Variants in RELN observed in about 807,000 individuals in gnomAD.
The protein encoded by RELN is reelin.
A neutral mutation model predicts 427.6 loss-of-function variants in RELN; 108 were observed. That is an observed-to-expected ratio of 0.25 (90% CI 0.22 to 0.30). The LOEUF (loss-of-function observed/expected upper bound fraction) is 0.30. RELN is among the 10% of genes least tolerant of loss of function. The pLI is 1.00. For missense variants in RELN, 3,715 were observed against 4,302.8 expected (o/e 0.86, Z 3.82); for synonymous variants, 1,524 against 1,513.4 (o/e 1.01, Z -0.16).
intron 11 of RELN, among the ~76,000 whole-genome samples, chr7:103,678,100 T>C (rs1833577617): frequency 1.3e-5 from 2 of 152,234 alleles, no homozygotes; most frequent in Admixed American, 1.3e-4. Context: ...TTAATATTCA[T>C]TACATTTGTG....
At chr7:103,593,642 C>G in intron 27 of RELN, 40 bp downstream of exon 27, 1 of 1,526,344 alleles carries the variant, frequency 6.6e-7, no homozygotes, top group Non-Finnish European at 9.1e-7. Context: ...AGATATTTTA[C>G]TCCTTAACTT....
At chr7:103,965,942 C>A (rs144413497) in intron 1 of RELN, among the ~76,000 whole-genome samples, 1 of 152,056 alleles carries the variant, frequency 6.6e-6, no homozygotes, top group South Asian at 2.1e-4. Context: ...ATGTTTACCA[C>A]GTCAAAATCT....
intron 56 of RELN, 43 bp from the exon 57 acceptor site, chr7:103,495,941 G>C: frequency 1.2e-6 from 2 of 1,600,524 alleles, no homozygotes; most frequent in Non-Finnish European, 1.7e-6. Context: ...TTATTCTCTT[G>C]AGGAAAATTG....
At chr7:103,653,610 C>T (rs1832967434) in intron 13 of RELN, among the ~76,000 whole-genome samples, 1 of 151,952 alleles carries the variant, frequency 6.6e-6, no homozygotes, top group Admixed American at 6.6e-5. Context: ...TTGCAAATAA[C>T]CAGAGCTAAC....
At chr7:103,743,484 C>T (rs1217393490) in intron 6 of RELN, among the ~76,000 whole-genome samples, 1 of 152,148 alleles carries the variant, frequency 6.6e-6, no homozygotes. Flanking sequence ...GATAAAGACT[C>T]AAGACCCATC....
chr7:103,808,922 C>T (rs1374155144), intron 3 of RELN, among the ~76,000 whole-genome samples: 5 of 152,114 alleles, frequency 3.3e-5, no homozygotes, highest in Admixed American at 2.6e-4. Flanking sequence ...TCCTCAAAAA[C>T]ATGAGTTTGC....
At chr7:103,536,119 A>G (rs1033648506) in intron 45 of RELN, among the ~76,000 whole-genome samples, 1 of 152,154 alleles carries the variant, frequency 6.6e-6, no homozygotes, top group Non-Finnish European at 1.5e-5. Context: ...TAGAAATTGT[A>G]AACTCTCTTC....
intron 4 of RELN, among the ~76,000 whole-genome samples, chr7:103,753,906 A>G (rs569766467): frequency 6.6e-6 from 1 of 152,346 alleles, no homozygotes; most frequent in South Asian, 2.1e-4. Flanking sequence ...ATACTTGGAC[A>G]TAGTTTTGAA....
At position 103,945,354 on chromosome 7, in the gene RELN, C is replaced by T. The variant is rs148819425; in HGVS notation, c.227-28169G>A. On this transcript the variant is annotated intron_variant, in intron 1 of 64. Coordinates refer to ENST00000428762, the MANE Select transcript of RELN (RefSeq NM_005045.4). Reference sequence around the variant, plus strand: ...TATTACAGAGATTACACTCCTGATTCTCTAGGCCTCTCAGACACTTTCCAA... The same window carrying T: ...TATTACAGAGATTACACTCCTGATTTTCTAGGCCTCTCAGACACTTTCCAA... Among the ~76,000 whole-genome samples, 1,048 of 152,288 alleles carry T rather than the reference C, an allele frequency of 6.9e-3. 12 individuals are homozygous for T. The highest frequency in any genetic ancestry group is 0.024 in the African/African-American group (982 of 41,554).
At chr7:103,567,962 A>T (rs367583165) in intron 31 of RELN, among the ~76,000 whole-genome samples, 1 of 151,766 alleles carries the variant, frequency 6.6e-6, no homozygotes, top group African/African-American at 2.4e-5. Flanking sequence ...TCGCTCGGCT[A>T]ATTTTTGTAC....
chr7:103,522,175 C>A lies in RELN; in HGVS notation c.7515G>T (p.Leu2505=). The A allele has an allele frequency of 6.2e-7, 1 of 1,614,020 alleles. No homozygotes were observed. The highest frequency in any genetic ancestry group is 1.1e-5 in the South Asian group (1 of 91,054). The change falls in exon 48 of 65, where the codon CTG becomes CTT. Residue 2505 remains leucine (L), a synonymous_variant. Coordinates refer to ENST00000428762, the MANE Select transcript of RELN (RefSeq NM_005045.4). The part of the protein sequence containing the change: ...NCVCDEQWGG[L]YCDDPETSLP... ...GAGAGGTCTCGGGGTCATCACAGTA[C>A]AGGCCACCCCACTGTTCATCACAGC...
At chr7:103,910,535 G>A (rs557163728) in intron 2 of RELN, among the ~76,000 whole-genome samples, 40 of 150,248 alleles carry the variant, frequency 2.7e-4, no homozygotes, top group Admixed American at 1.0e-3. Flanking sequence ...AAAAGAGCCC[G>A]CATCGCCAAG....
chr7:103,571,454 G>A (rs1830879986), intron 31 of RELN, among the ~76,000 whole-genome samples: 2 of 152,202 alleles, frequency 1.3e-5, no homozygotes, highest in Admixed American at 6.5e-5. Context: ...GGAGGGTGGA[G>A]TTCAGTGCAA....
chr7:103,944,601 A>C (rs562073378), intron 1 of RELN, among the ~76,000 whole-genome samples: 58 of 152,326 alleles, frequency 3.8e-4, no homozygotes, highest in African/African-American at 1.3e-3. Context: ...GTGAGGACTT[A>C]GGAAGCCAGC....
At chr7:103,947,438 A>C (rs570279986) in intron 1 of RELN, among the ~76,000 whole-genome samples, 2 of 152,322 alleles carry the variant, frequency 1.3e-5, no homozygotes, top group African/African-American at 4.8e-5. Flanking sequence ...AAAAAGACAA[A>C]TGTTAGATCT....
chr7:103,963,185 CT>C lies in RELN; in HGVS notation c.226+25945del, dbSNP rs545638040. Among the ~76,000 whole-genome samples, 1,452 of 149,146 alleles carry C rather than the reference CT, an allele frequency of 9.7e-3. 26 individuals are homozygous for C. Among genetic ancestry groups the C allele is most frequent in the African/African-American group, 0.034 (1,360 of 39,766 alleles). ...TACTCATTTCTCTTCCTCCTCATTC[CT>C]CTGTCTTCGCTTTGTCCTTTCTTCC... On this transcript the variant is annotated intron_variant, in intron 1 of 64. Transcript: ENST00000428762.
At chr7:103,732,392 C>T (rs947262238) in intron 6 of RELN, among the ~76,000 whole-genome samples, 5 of 152,088 alleles carry the variant, frequency 3.3e-5, no homozygotes, top group African/African-American at 1.2e-4. Context: ...GGGTTCATTT[C>T]TATGCATGTT....
At position 103,503,158 on chromosome 7, in the gene RELN, C is replaced by T. The variant is rs794727997; in HGVS notation, c.8347G>A (p.Gly2783Ser). The T allele has an allele frequency of 9.3e-6, 15 of 1,614,054 alleles. No homozygotes were observed. Among genetic ancestry groups the T allele is most frequent in the East Asian group, 2.2e-5 (1 of 44,892 alleles). The change falls in exon 52 of 65, where the codon GGT (glycine) becomes AGT (serine). Residue 2783 changes from glycine (G) to serine (S), a missense_variant. Around this residue, in one of 4 missense-constraint regions of RELN, gnomAD observed 1,310 missense variants for 1,643.0 expected, o/e 0.80. Coordinates refer to ENST00000428762, the MANE Select transcript of RELN (RefSeq NM_005045.4). ...QIHVQYSTDFGVSWNYLVPQC... is the reference protein window; with the variant it reads ...QIHVQYSTDFSVSWNYLVPQC... Reference sequence around the variant, plus strand: ...GGGACCAGATAATTCCAACTCACACCGAAGTCAGTAGAATACTGCACATGA... The same window carrying T: ...GGGACCAGATAATTCCAACTCACACTGAAGTCAGTAGAATACTGCACATGA...
intron 60 of RELN, 31 bp from the exon 61 acceptor site, chr7:103,486,447 AG>A: frequency 6.6e-7 from 1 of 1,518,910 alleles, no homozygotes; most frequent in Non-Finnish European, 9.1e-7. Context: ...ACAGAAATTA[AG>A]TGGACCAACC....
Sources: allele counts gnomAD v4.1 joint callset (sites outside exome capture counted in the v4.1 genomes callset), GRCh38; gene constraint gnomAD v4.1.1; regional missense constraint gnomAD v4.1.1; transcripts MANE v1.5; gene names NCBI Gene and HGNC (gene_info 2026-07-23, HGNC 2026-07-21).